ZRANB3: variants seen among roughly 807,000 people sequenced by gnomAD.
ZRANB3 encodes zinc finger RANBP2-type containing 3.
ZRANB3 carries 125 observed loss-of-function variants against 133.8 expected under a neutral mutation model. That is an observed-to-expected ratio of 0.93 (90% CI 0.81 to 1.08). ZRANB3 has a LOEUF of 1.08. Ranked by LOEUF, ZRANB3 falls within the 50% of genes least tolerant of loss-of-function variation. ZRANB3 has a pLI of 0.00. For missense variants in ZRANB3, 1,229 were observed against 1,275.5 expected (o/e 0.96, Z 0.56); for synonymous variants, 387 against 432.7 (o/e 0.89, Z 1.31).
chr2:135,521,806 A>C (rs1298554995), intron 1 of ZRANB3, among the ~76,000 whole-genome samples: 1 of 152,212 alleles, frequency 6.6e-6, no homozygotes, highest in Non-Finnish European at 1.5e-5. Flanking sequence ...CCTTACTTAA[A>C]TACCAGATGC....
At chr2:135,294,505 G>C (rs560505576) in intron 8 of ZRANB3, among the ~76,000 whole-genome samples, 2 of 151,946 alleles carry the variant, frequency 1.3e-5, no homozygotes, top group African/African-American at 4.8e-5. Context: ...TATTAGTCTT[G>C]CTAGCAGTCT....
intron 8 of ZRANB3, among the ~76,000 whole-genome samples, chr2:135,279,979 T>C (rs555657093): frequency 6.6e-6 from 1 of 152,346 alleles, no homozygotes; most frequent in African/African-American, 2.4e-5. Flanking sequence ...GTACTATGCA[T>C]GCATTTTAAC....
At chr2:135,234,597 C>G (rs1004043830) in intron 12 of ZRANB3, among the ~76,000 whole-genome samples, 4 of 152,194 alleles carry the variant, frequency 2.6e-5, no homozygotes, top group African/African-American at 9.7e-5. Context: ...GTCTCTCAGA[C>G]CACAGTGCAA....
At chr2:135,446,907 T>C (rs940815141) in intron 2 of ZRANB3, among the ~76,000 whole-genome samples, 1 of 152,202 alleles carries the variant, frequency 6.6e-6, no homozygotes, top group Non-Finnish European at 1.5e-5. Flanking sequence ...TTCAATTTAA[T>C]GTTTAATTTT....
chr2:135,470,414 G>A (rs546830617), intron 2 of ZRANB3, among the ~76,000 whole-genome samples: 35 of 152,060 alleles, frequency 2.3e-4, no homozygotes, highest in Admixed American at 1.6e-3. Context: ...GGCCAGGAGC[G>A]GTGGCTCACG....
At position 135,217,575 on chromosome 2, in the gene ZRANB3, T is replaced by TA. The variant is rs773396390; in HGVS notation, c.2384dup (p.Thr796AsnfsTer17). ...TGATTATCCTTTGCTTCATGGCAGTTAGACTACTCCATTCTCGAACAAATC... is the reference window on the plus strand; with the variant it reads ...TGATTATCCTTTGCTTCATGGCAGTTAAGACTACTCCATTCTCGAACAAATC... On this transcript the variant is annotated frameshift_variant, in exon 17 of 21. Coordinates refer to ENST00000264159, the MANE Select transcript of ZRANB3 (RefSeq NM_032143.4). LOFTEE classifies it high-confidence loss of function. 2 of 1,613,532 alleles carry TA rather than the reference T, an allele frequency of 1.2e-6. No homozygotes were observed. Among genetic ancestry groups the TA allele is most frequent in the South Asian group, 1.1e-5 (1 of 90,870 alleles).
intron 7 of ZRANB3, among the ~76,000 whole-genome samples, chr2:135,314,198 G>GTA (rs1683143252): frequency 6.6e-6 from 1 of 152,078 alleles, no homozygotes; most frequent in African/African-American, 2.4e-5. Context: ...TCTGTAAAAT[G>GTA]AACATAAGAA....
intron 2 of ZRANB3, among the ~76,000 whole-genome samples, chr2:135,471,043 C>T (rs371494424): frequency 2.0e-5 from 3 of 151,582 alleles, no homozygotes; most frequent in South Asian, 4.2e-4. Context: ...CCTTGTGATC[C>T]GCCCACCTTG....
chr2:135,464,032 A>G (rs898346093), intron 2 of ZRANB3, among the ~76,000 whole-genome samples: 2 of 152,200 alleles, frequency 1.3e-5, no homozygotes, highest in Non-Finnish European at 2.9e-5. Flanking sequence ...GAAAAGAACA[A>G]CAACAAAAAC....
chr2:135,334,078 A>G (rs190933014), intron 6 of ZRANB3, among the ~76,000 whole-genome samples: 1 of 152,174 alleles, frequency 6.6e-6, no homozygotes, highest in Non-Finnish European at 1.5e-5. Flanking sequence ...AGAATATTCA[A>G]CTAGGTTAGT....
At chr2:135,284,268 G>A (rs932031482) in intron 8 of ZRANB3, among the ~76,000 whole-genome samples, 1 of 152,190 alleles carries the variant, frequency 6.6e-6, no homozygotes, top group Non-Finnish European at 1.5e-5. Flanking sequence ...AAATATGCTT[G>A]GATTAGTGAT....
At position 135,315,349 on chromosome 2, in the gene ZRANB3, C is replaced by T. The variant is rs754350938; in HGVS notation, c.849+10G>A. 3.3e-6 allele frequency: 5 copies of T among 1,510,584 alleles called. No homozygotes were observed. The highest frequency in any genetic ancestry group is 2.8e-5 in the South Asian group (2 of 71,046). The allele number at this position is 1,510,584 out of a possible 1,614,324, so 93.6% of individuals were successfully genotyped here. On this transcript the variant is annotated intron_variant, in intron 7 of 20. Coordinates refer to ENST00000264159, the MANE Select transcript of ZRANB3 (RefSeq NM_032143.4). ...TAAAGTAAGACTTTAAATCAAGCAA[C>T]GGTTCTCACCTTGGCAGCTGCTGAT...
At chr2:135,243,630 T>C (rs1294856406) in intron 12 of ZRANB3, among the ~76,000 whole-genome samples, 2 of 152,116 alleles carry the variant, frequency 1.3e-5, no homozygotes, top group East Asian at 3.8e-4. Flanking sequence ...ACTTTTTTTT[T>C]CTTTCTGAAG....
At chr2:135,262,916 T>C (rs1353185652) in intron 12 of ZRANB3, among the ~76,000 whole-genome samples, 1 of 151,942 alleles carries the variant, frequency 6.6e-6, no homozygotes, top group Non-Finnish European at 1.5e-5. Flanking sequence ...ATTTTACATA[T>C]AGCATTTGTT....
At chr2:135,256,320 G>C (rs1679649610) in intron 12 of ZRANB3, among the ~76,000 whole-genome samples, 3 of 151,856 alleles carry the variant, frequency 2.0e-5, no homozygotes, top group Admixed American at 1.3e-4. Flanking sequence ...GGTGTAGCAT[G>C]TATCTTTTTT....
intron 8 of ZRANB3, among the ~76,000 whole-genome samples, chr2:135,296,271 T>C (rs1168247404): frequency 3.3e-5 from 5 of 152,230 alleles, no homozygotes; most frequent in African/African-American, 1.2e-4. Flanking sequence ...GAGGCTTTGT[T>C]CATTTCTTTT....
In ZRANB3 at chr2:135,197,171, T is replaced by C. The variant is rs1693442954; in HGVS notation, c.*3171A>G. 6.6e-6 allele frequency: 1 copy of C among 152,136 alleles called. No individual in the cohort carries two copies. The highest frequency in any genetic ancestry group is 1.5e-5 in the Non-Finnish European group (1 of 68,010). The allele number at this position is 152,136 out of a possible 1,614,324, so 9.4% of individuals were successfully genotyped here. ...CAATTTTCCAGTTCAAAAGAACAAA[T>C]GGTGGAATGAGAGACAGGCTAATAA... is the stretch of plus-strand genomic sequence containing the variant. On this transcript the variant is annotated 3_prime_UTR_variant, in exon 21 of 21. Coordinates refer to ENST00000264159, the MANE Select transcript of ZRANB3 (RefSeq NM_032143.4).
intron 6 of ZRANB3, among the ~76,000 whole-genome samples, chr2:135,325,831 G>A (rs1406118258): frequency 6.6e-6 from 1 of 152,150 alleles, no homozygotes; most frequent in Non-Finnish European, 1.5e-5. Flanking sequence ...TCTCCTAACA[G>A]AAGAAAACAT....
At chr2:135,201,513 T>C (rs947326637) in intron 20 of ZRANB3, among the ~76,000 whole-genome samples, 1 of 151,614 alleles carries the variant, frequency 6.6e-6, no homozygotes, top group African/African-American at 2.4e-5. Context: ...ATCAGCCAGG[T>C]GTGGTGGCGG....
Sources: allele counts gnomAD v4.1 joint callset (sites outside exome capture counted in the v4.1 genomes callset), GRCh38; gene constraint gnomAD v4.1.1; transcripts MANE v1.5; gene names NCBI Gene and HGNC (gene_info 2026-07-23, HGNC 2026-07-21).